DAPK1: variants seen among roughly 807,000 people sequenced by gnomAD.
DAPK1 encodes death-associated protein kinase 1.
Under a neutral mutation model 144.9 loss-of-function variants are expected in DAPK1, and 56 were observed. The observed-to-expected ratio is 0.39, with a 90% CI of 0.31 to 0.48. The LOEUF (loss-of-function observed/expected upper bound fraction) is 0.48. Among genes scored for constraint, DAPK1 ranks in the 20% least tolerant of loss-of-function variants. The pLI is 0.95. For synonymous variants in DAPK1, 690 were observed against 749.0 expected, an observed-to-expected ratio of 0.92 and a Z score of 1.29; for missense variants, 1,454 against 1,875.4, an observed-to-expected ratio of 0.78 and a Z score of 4.15.
Position 87,649,958 on chromosome 9 carries a change from G to A in DAPK1, c.1466G>A (p.Gly489Asp). ...CCCCTGCACTGTGCTGCTTGGCACG[G>A]CTATTACTCTGTGGCCAAAGCCCTT... Reference protein sequence around the residue: ...ETPLHCAAWHGYYSVAKALCE... With the variant: ...ETPLHCAAWHDYYSVAKALCE... The change falls in exon 16 of 26, where the codon GGC becomes GAC. Residue 489 changes from glycine to aspartate, a missense_variant. Gly to Asp is a moderately conservative substitution (Grantham distance 94, BLOSUM62 -1). Around this residue, in one of 2 missense-constraint regions of DAPK1, gnomAD observed 429 missense variants for 637.5 expected, o/e 0.67. Transcript: ENST00000408954. 6.2e-7 allele frequency: 1 copy of A among 1,614,178 alleles called. No homozygotes were observed. Among genetic ancestry groups the A allele is most frequent in the Non-Finnish European group, 8.5e-7 (1 of 1,180,042 alleles).
chr9:87,632,102 A>G (rs1165606341), intron 3 of DAPK1: 1 of 659,636 alleles, frequency 1.5e-6, no homozygotes, highest in African/African-American at 1.9e-5. Context: ...AAATATATAT[A>G]TATATATGTA....
chr9:87,644,407 G>A (rs1398454243), intron 11 of DAPK1, among the ~76,000 whole-genome samples: 1 of 152,110 alleles, frequency 6.6e-6, no homozygotes. Flanking sequence ...TGAATAGTCA[G>A]CATTTTCCCG....
In DAPK1 at chr9:87,587,645, C is replaced by T. The variant is rs73654412; in HGVS notation, c.63-17309C>T. Among the ~76,000 whole-genome samples the T allele has an allele frequency of 2.1e-3, 327 of 152,354 alleles. 1 individual carries two copies. Among genetic ancestry groups the T allele is most frequent in the African/African-American group, 7.5e-3 (312 of 41,574 alleles). ...ACGTGGGAATTGGTCATTTTTGTTC[C>T]TGTGCTTTCCTTCACCATCAATACT... On this transcript the variant is annotated intron_variant, in intron 2 of 25. Transcript: ENST00000408954.
At chr9:87,701,600 G>C (rs1440315654) in intron 24 of DAPK1, among the ~76,000 whole-genome samples, 1 of 152,142 alleles carries the variant, frequency 6.6e-6, no homozygotes, top group Admixed American at 6.5e-5. Context: ...AGAAAAGGGC[G>C]AGCGTCCCAG....
intron 2 of DAPK1, among the ~76,000 whole-genome samples, chr9:87,550,524 C>T (rs1246928372): frequency 1.3e-5 from 2 of 152,232 alleles, no homozygotes; most frequent in African/African-American, 4.8e-5. Context: ...TTCTGCTTTT[C>T]TATGTCCAAA....
intron 3 of DAPK1, among the ~76,000 whole-genome samples, chr9:87,636,674 A>G (rs987709090): frequency 1.2e-4 from 19 of 152,148 alleles, no homozygotes; most frequent in African/African-American, 4.3e-4. Flanking sequence ...TATGAGCACC[A>G]ATTTTCTTAC....
At chr9:87,521,593 T>C (rs1825299802) in intron 2 of DAPK1, among the ~76,000 whole-genome samples, 1 of 152,218 alleles carries the variant, frequency 6.6e-6, no homozygotes, top group Non-Finnish European at 1.5e-5. Flanking sequence ...TCCGCTAGGA[T>C]GTCAGCACTG....
At chr9:87,548,308 C>T (rs1563986685) in intron 2 of DAPK1, among the ~76,000 whole-genome samples, 1 of 152,160 alleles carries the variant, frequency 6.6e-6, no homozygotes, top group Non-Finnish European at 1.5e-5. Context: ...CTGCGTTAGA[C>T]CCCTGGTTTT....
chr9:87,658,941 C>T (rs1457433247), intron 18 of DAPK1, among the ~76,000 whole-genome samples: 2 of 152,228 alleles, frequency 1.3e-5, no homozygotes, highest in Non-Finnish European at 2.9e-5. Flanking sequence ...GGTTAGCAAA[C>T]CATGGCCCAC....
At chr9:87,634,493 G>A (rs956671114) in intron 3 of DAPK1, among the ~76,000 whole-genome samples, 1 of 152,138 alleles carries the variant, frequency 6.6e-6, no homozygotes, top group Non-Finnish European at 1.5e-5. Context: ...GAGGCCCCCA[G>A]TCCATGAAAA....
intron 2 of DAPK1, chr9:87,525,280 T>A (rs1002182459): frequency 3.0e-5 from 48 of 1,579,082 alleles, no homozygotes; most frequent in Admixed American, 1.5e-4. Flanking sequence ...TGCTTTTACC[T>A]CGTTGCACTC....
chr9:87,527,610 T>C (rs964169713), intron 2 of DAPK1, among the ~76,000 whole-genome samples: 5 of 152,170 alleles, frequency 3.3e-5, no homozygotes. Flanking sequence ...TGGCAAAAGA[T>C]CCCTAAAGCC....
At chr9:87,557,656 C>G (rs1008001912) in intron 2 of DAPK1, among the ~76,000 whole-genome samples, 2 of 152,068 alleles carry the variant, frequency 1.3e-5, no homozygotes, top group African/African-American at 4.8e-5. Context: ...ATACCTAATC[C>G]TTGGCAGGGC....
In DAPK1 at chr9:87,676,557, C is replaced by G. The variant is rs552091270; in HGVS notation, c.2002-4847C>G. On this transcript the variant is annotated intron_variant, in intron 19 of 25. Coordinates refer to ENST00000408954, the MANE Select transcript of DAPK1 (RefSeq NM_004938.4). ...GAGATTTTCTTGTGAAGGGAAATACCCGAGGATATTTTGCTTTTCTTTGCC... is the reference window on the plus strand; with the variant it reads ...GAGATTTTCTTGTGAAGGGAAATACGCGAGGATATTTTGCTTTTCTTTGCC... Among the ~76,000 whole-genome samples, 9 of 152,296 alleles carry G rather than the reference C, an allele frequency of 5.9e-5. No individual in the cohort carries two copies. The South Asian group carries it at 1.5e-3, about 25-fold the overall frequency.
chr9:87,693,401 G>A (rs1825145057), intron 21 of DAPK1, among the ~76,000 whole-genome samples: 2 of 151,602 alleles, frequency 1.3e-5, no homozygotes, highest in South Asian at 4.2e-4. Context: ...TATTCAAGAA[G>A]TTCTTCAATT....
chr9:87,576,186 A>G (rs12351552), intron 2 of DAPK1, among the ~76,000 whole-genome samples: 19,298 of 152,260 alleles, frequency 0.13, 1,506 homozygotes, highest in East Asian at 0.33. Flanking sequence ...ATGCACACAC[A>G]TGCGTACACA....
In DAPK1 at chr9:87,707,478, G is replaced by C. The variant is rs1825684110; in HGVS notation, c.*114G>C. On this transcript the variant is annotated 3_prime_UTR_variant, in exon 26 of 26. Transcript: ENST00000408954. This position sits in a 1 kb window ranked among gnomAD's most constrained non-coding sequence, Gnocchi z 4.0. ...TGTTTCTTCCTGCACCCACAGCCAG[G>C]GGGATGCCACTCCTCCCTCCGGCTT... is the stretch of plus-strand genomic sequence containing the variant. The C allele has an allele frequency of 1.4e-6, 1 of 692,774 alleles. No individual in the cohort carries two copies. Among genetic ancestry groups the C allele is most frequent in the African/African-American group, 1.8e-5 (1 of 55,574 alleles). 42.9% of individuals were successfully genotyped at this position (692,774 alleles called of 1,614,324 possible). A position where few individuals can be genotyped will look rare whatever the true frequency, so the allele number is the denominator to read the frequency against.
chr9:87,675,693 T>C (rs35368302), intron 19 of DAPK1, among the ~76,000 whole-genome samples: 17,083 of 151,908 alleles, frequency 0.11, 1,135 homozygotes, highest in East Asian at 0.25. Context: ...GGAGGTGATC[T>C]TGGCAGCCAG....
chr9:87,659,714 G>A (rs1317279316), intron 18 of DAPK1, among the ~76,000 whole-genome samples: 2 of 152,096 alleles, frequency 1.3e-5, no homozygotes, highest in East Asian at 1.9e-4. Flanking sequence ...GCTTGCCACC[G>A]CAGGAAAAGC....
Sources: gnomAD v4.1 joint callset for allele counts (sites outside exome capture counted in the v4.1 genomes callset) on GRCh38, gnomAD v4.1.1 for gene constraint, gnomAD v4.1.1 regional missense constraint, Gnocchi (gnomAD v3.1) non-coding constraint, MANE v1.5 for transcripts, NCBI Gene and HGNC (gene_info 2026-07-23, HGNC 2026-07-21) for gene names.